The following ZFY variants were observed in gnomAD, a reference collection of about 807,000 sequenced individuals.
ZFY encodes zinc finger Y-chromosomal protein.
For synonymous variants in ZFY, 47 were observed against 55.8 expected, an observed-to-expected ratio of 0.84 and a Z score of 0.71; for missense variants, 113 against 170.9, an observed-to-expected ratio of 0.66 and a Z score of 1.89.
intron 1 of ZFY, among the ~76,000 whole-genome samples, chrY:2,944,068 G>T (rs2051254112): frequency 3.0e-5 from 1 of 33,476 alleles, no homozygotes; most frequent in Non-Finnish European, 7.4e-5. Context: ...AAATCTAAAA[G>T]AACTCCAGTA....
chrY:2,945,458 G>C, intron 1 of ZFY, among the ~76,000 whole-genome samples: 1 of 30,381 alleles, frequency 3.3e-5, no homozygotes, highest in Non-Finnish European at 7.8e-5. Context: ...TTCAATTAAA[G>C]CTGCTCCCCT....
chrY:2,941,934 CTG>C (rs376986249), intron 1 of ZFY, among the ~76,000 whole-genome samples: 36 of 27,191 alleles, frequency 1.3e-3, no homozygotes, highest in South Asian at 0.011. Flanking sequence ...CCAATATAAA[CTG>C]TGTGTGTGTG....
At chrY:2,966,371 A>C (rs746785670) in intron 3 of ZFY, among the ~76,000 whole-genome samples, 1 of 33,899 alleles carries the variant, frequency 2.9e-5, no homozygotes, top group East Asian at 7.7e-4. Context: ...TGACAACTGA[A>C]ATGAAGATTT....
At chrY:2,971,481 TC>T (rs2051347712) in intron 3 of ZFY, among the ~76,000 whole-genome samples, 1 of 33,273 alleles carries the variant, frequency 3.0e-5, no homozygotes, top group Non-Finnish European at 7.4e-5. Context: ...TCTCTTACTG[TC>T]CTGTCCCCCT....
In ZFY at chrY:2,954,014, G is replaced by A; in HGVS notation, c.61+17G>A. 2.7e-6 allele frequency: 1 copy of A among 373,350 alleles called. No individual in the cohort carries two copies. The highest frequency in any genetic ancestry group is 9.6e-5 in the East Asian group (1 of 10,411). 93.1% of individuals were successfully genotyped at this position (373,350 alleles called of 400,897 possible). A position where few individuals can be genotyped will look rare whatever the true frequency, so the allele number is the denominator to read the frequency against. On this transcript the variant is annotated intron_variant, in intron 2 of 7. Transcript: ENST00000155093. ...ATGGAATAGGTATTACTATTTATTGGGTTGTTTCACTTCCCATCTGCCAGA... is the reference window on the plus strand; with the variant it reads ...ATGGAATAGGTATTACTATTTATTGAGTTGTTTCACTTCCCATCTGCCAGA...
intron 2 of ZFY, among the ~76,000 whole-genome samples, chrY:2,954,566 G>A (rs546139800): frequency 1.6e-4 from 5 of 30,618 alleles, no homozygotes; most frequent in African/African-American, 6.4e-4. Context: ...GAGCATGGTG[G>A]TGCATATCTC....
chrY:2,950,579 C>T, intron 1 of ZFY, among the ~76,000 whole-genome samples: 1 of 33,755 alleles, frequency 3.0e-5, no homozygotes, highest in South Asian at 6.6e-4. Flanking sequence ...AGCTTACTAA[C>T]GTAAAGGTGT....
At chrY:2,949,472 G>T (rs2051272087) in intron 1 of ZFY, among the ~76,000 whole-genome samples, 1 of 30,697 alleles carries the variant, frequency 3.3e-5, no homozygotes, top group Non-Finnish European at 7.8e-5. Flanking sequence ...ATTAGTTTTT[G>T]GGAAATAGGC....
intron 3 of ZFY, among the ~76,000 whole-genome samples, chrY:2,964,149 A>T (rs895715106): frequency 3.0e-5 from 1 of 33,511 alleles, no homozygotes; most frequent in Non-Finnish European, 7.4e-5. Flanking sequence ...CTTAAAGCAC[A>T]TGCGCAGTGT....
At position 2,961,083 on chromosome Y, in the gene ZFY, C is replaced by T; in HGVS notation, c.71C>T (p.Ala24Val). ...NSFFDGIGAD[A>V]THMDGDQIVV... ...ATTTTTATTCTTTAAGGAGCTGATG[C>T]TACACACATGGATGGTGATCAGATT... The change falls in exon 3 of 8, where the codon GCT becomes GTT. Residue 24 changes from alanine (A) to valine (V), a missense_variant. Coordinates refer to ENST00000155093, the MANE Select transcript of ZFY (RefSeq NM_003411.4). 1 of 397,240 alleles carries T rather than the reference C, an allele frequency of 2.5e-6. No individual in the cohort carries two copies. Among genetic ancestry groups the T allele is most frequent in the Non-Finnish European group, 3.5e-6 (1 of 282,016 alleles).
At chrY:2,947,796 C>T in intron 1 of ZFY, among the ~76,000 whole-genome samples, 1 of 33,635 alleles carries the variant, frequency 3.0e-5, no homozygotes, top group Admixed American at 2.7e-4. Flanking sequence ...TTTTCTTATT[C>T]ACGTATCTTG....
intron 3 of ZFY, among the ~76,000 whole-genome samples, chrY:2,967,472 A>G: frequency 3.2e-5 from 1 of 31,351 alleles, no homozygotes; most frequent in Non-Finnish European, 7.7e-5. Context: ...ATAGTAACTC[A>G]TATTATGTGA....
Position 2,982,271 on chromosome Y carries a change from T to A in ZFY, c.*2278T>A, listed in dbSNP as rs2051401888. 2 of 33,536 alleles carry A rather than the reference T, an allele frequency of 6.0e-5. No homozygotes were observed. Among genetic ancestry groups the A allele is most frequent in the Non-Finnish European group, 1.5e-4 (2 of 13,514 alleles). 8.4% of individuals were successfully genotyped at this position (33,536 alleles called of 400,897 possible). ...TGATTAGCAAAGCTAAAAAAGTGGATGTTGAAGTTGAAAGTTTTAAAGAGG... is the reference window on the plus strand; with the variant it reads ...TGATTAGCAAAGCTAAAAAAGTGGAAGTTGAAGTTGAAAGTTTTAAAGAGG... On this transcript the variant is annotated 3_prime_UTR_variant, in exon 8 of 8. Transcript: ENST00000155093.
intron 1 of ZFY, among the ~76,000 whole-genome samples, chrY:2,942,829 A>G: frequency 3.1e-5 from 1 of 32,613 alleles, no homozygotes; most frequent in Non-Finnish European, 7.5e-5. Context: ...TCTTTGAGAA[A>G]TCTCTTTACA....
intron 1 of ZFY, among the ~76,000 whole-genome samples, chrY:2,936,464 A>C: frequency 2.9e-5 from 1 of 34,139 alleles, no homozygotes; most frequent in Non-Finnish European, 7.3e-5. Context: ...CGTCCAATAG[A>C]CAGTACAGTA....
At chrY:2,962,774 G>A in intron 3 of ZFY, among the ~76,000 whole-genome samples, 1 of 33,487 alleles carries the variant, frequency 3.0e-5, no homozygotes, top group South Asian at 6.4e-4. Flanking sequence ...CTTATTCTAT[G>A]AAGTGTTTAA....
At chrY:2,940,054 A>G in intron 1 of ZFY, among the ~76,000 whole-genome samples, 1 of 33,562 alleles carries the variant, frequency 3.0e-5, no homozygotes, top group Non-Finnish European at 7.4e-5. Flanking sequence ...GCAGAGATTT[A>G]TATGGAGTTG....
chrY:2,945,369 CT>C lies in ZFY; in HGVS notation c.-28-8530del, dbSNP rs758240120. Among the ~76,000 whole-genome samples the C allele has an allele frequency of 2.2e-4, 6 of 27,017 alleles. No homozygotes were observed. The East Asian group carries it at 2.8e-3, about 13-fold the overall frequency. 72.5% of individuals were successfully genotyped at this position (27,017 alleles called of 37,273 possible). Reference sequence around the variant, plus strand: ...TTCCCTTTTGCTTGAGTTTATTATCCTTTTTTTTTTCAGTTTTCTGTGTGTG... The same window carrying C: ...TTCCCTTTTGCTTGAGTTTATTATCCTTTTTTTTTCAGTTTTCTGTGTGTG... On this transcript the variant is annotated intron_variant, in intron 1 of 7. Transcript: ENST00000155093.
intron 2 of ZFY, among the ~76,000 whole-genome samples, chrY:2,957,884 C>G: frequency 3.0e-5 from 1 of 33,270 alleles, no homozygotes; most frequent in Non-Finnish European, 7.4e-5. Context: ...CTGGATGCAC[C>G]CAATTTGAGG....
Sources: gnomAD v4.1 joint callset for allele counts (sites outside exome capture counted in the v4.1 genomes callset) on GRCh38, gnomAD v4.1.1 for gene constraint, MANE v1.5 for transcripts, NCBI Gene and HGNC (gene_info 2026-07-23, HGNC 2026-07-21) for gene names.